The following CCM2 variants were observed in gnomAD, a reference collection of about 807,000 sequenced individuals.
CCM2 encodes the protein cerebral cavernous malformations 2 protein.
CCM2 carries 25 observed loss-of-function variants against 44.9 expected under a neutral mutation model. The ratio of observed to expected loss-of-function variants is 0.56; its 90% CI spans 0.41 to 0.78. The LOEUF (loss-of-function observed/expected upper bound fraction) is 0.78. CCM2 is among the 30% of genes least tolerant of loss of function. The pLI, the probability that CCM2 is intolerant of heterozygous loss-of-function variation, is 0.00. For synonymous variants in CCM2, 219 were observed against 241.1 expected (o/e 0.91, Z 0.85); for missense variants, 481 against 580.6 (o/e 0.83, Z 1.76).
At chr7:45,021,710 G>C (rs1796488236) in intron 1 of CCM2, among the ~76,000 whole-genome samples, 2 of 152,050 alleles carry the variant, frequency 1.3e-5, no homozygotes, top group African/African-American at 2.4e-5. Flanking sequence ...AGCTGAGGAG[G>C]AGAATGGGGC....
intron 1 of CCM2, among the ~76,000 whole-genome samples, chr7:45,036,451 G>A (rs1450780710): frequency 6.6e-6 from 1 of 152,140 alleles, no homozygotes; most frequent in Admixed American, 6.5e-5. Context: ...TATTTGGGGT[G>A]GCTTTTGTTT....
intron 1 of CCM2, among the ~76,000 whole-genome samples, chr7:45,008,284 C>T (rs1047807468): frequency 8.6e-5 from 13 of 151,800 alleles, no homozygotes; most frequent in East Asian, 1.9e-4. Flanking sequence ...ATGATCCACC[C>T]GCCTCGTCCT....
intron 1 of CCM2, among the ~76,000 whole-genome samples, chr7:45,003,741 AAACC>A (rs1795738344): frequency 6.6e-6 from 1 of 152,116 alleles, no homozygotes; most frequent in African/African-American, 2.4e-5. Flanking sequence ...AAAAAAAAAA[AAACC>A]ATCTTGTGGC....
rs1411604455 is a variant in CCM2, at chr7:45,075,906, C to G, written c.1184C>G (p.Thr395Arg). The G allele has an allele frequency of 1.2e-6, 2 of 1,613,122 alleles. No individual in the cohort carries two copies. The highest frequency in any genetic ancestry group is 4.5e-5 in the East Asian group (2 of 44,902). Reference sequence around the variant, plus strand: ...AGGCACCGGCGGGCCCTGAGCACCACATCCAGTTCCACCACCAATGGGAAC... The same window carrying G: ...AGGCACCGGCGGGCCCTGAGCACCAGATCCAGTTCCACCACCAATGGGAAC... ...FGRHRRALST[T>R]SSSTTNGNRA... is the part of the protein sequence containing the mutation. The change falls in exon 10 of 10, where the codon ACA (threonine) becomes AGA (arginine). Residue 395 changes from threonine to arginine, a missense_variant. Coordinates refer to ENST00000258781, the MANE Select transcript of CCM2 (RefSeq NM_031443.4).
rs111785140 is a variant in CCM2 at position 45,021,301 on chromosome 7, G to T, written c.31-16952G>T. Among the ~76,000 whole-genome samples, 792 of 152,118 alleles carry T rather than the reference G, an allele frequency of 5.2e-3. 10 individuals carry two copies. Among genetic ancestry groups the T allele is most frequent in the African/African-American group, 0.018 (761 of 41,514 alleles). ...TAAATAGGCTGGCACGGTGGCTCAC[G>T]CCTGTAATCTCAGCACTTTGGGAGG... is the stretch of plus-strand genomic sequence containing the variant. On this transcript the variant is annotated intron_variant, in intron 1 of 9. Transcript: ENST00000258781.
chr7:45,066,954 G>A (rs1395330347), intron 4 of CCM2, among the ~76,000 whole-genome samples: 2 of 150,494 alleles, frequency 1.3e-5, no homozygotes, highest in Non-Finnish European at 2.9e-5. Context: ...AGGCTGGAGT[G>A]TAGTGCCGTG....
intron 2 of CCM2, among the ~76,000 whole-genome samples, chr7:45,060,280 G>A (rs1798460760): frequency 6.6e-6 from 1 of 152,336 alleles, no homozygotes; most frequent in African/African-American, 2.4e-5. Flanking sequence ...GAGAAATCCA[G>A]TGTCATTCTT....
chr7:45,028,699 G>C (rs1033749239), intron 1 of CCM2, among the ~76,000 whole-genome samples: 1 of 151,820 alleles, frequency 6.6e-6, no homozygotes, highest in Admixed American at 6.6e-5. Flanking sequence ...CCTGAGATGC[G>C]GGTGCACACC....
chr7:45,069,928 T>G lies in CCM2; in HGVS notation c.712T>G (p.Ser238Ala). ...GGACAGAGCGATATTTGATGGGGCCTCTACCCCGACCCACCACCTGTCCCT... is the reference window on the plus strand; with the variant it reads ...GGACAGAGCGATATTTGATGGGGCCGCTACCCCGACCCACCACCTGTCCCT... Reference protein sequence around the residue: ...FLDRAIFDGASTPTHHLSLHS... With the variant: ...FLDRAIFDGAATPTHHLSLHS... The change falls in exon 6 of 10, where the codon TCT becomes GCT. Residue 238 changes from serine to alanine, a missense_variant. Transcript: ENST00000258781. 1 of 1,614,118 alleles carries G rather than the reference T, an allele frequency of 6.2e-7. No individual in the cohort carries two copies. Among genetic ancestry groups the G allele is most frequent in the Non-Finnish European group, 8.5e-7 (1 of 1,180,028 alleles).
chr7:45,030,056 T>G (rs1421364992), intron 1 of CCM2, among the ~76,000 whole-genome samples: 1 of 152,168 alleles, frequency 6.6e-6, no homozygotes, highest in African/African-American at 2.4e-5. Context: ...TCCTCCTGGC[T>G]CCGTACTGTG....
At chr7:45,053,151 G>A (rs544688945) in intron 2 of CCM2, among the ~76,000 whole-genome samples, 2 of 152,324 alleles carry the variant, frequency 1.3e-5, no homozygotes, top group Middle Eastern at 3.4e-3. Context: ...CTAAGTATGT[G>A]CATTGTCTCA....
intron 2 of CCM2, among the ~76,000 whole-genome samples, chr7:45,042,025 C>T (rs2128732091): frequency 1.3e-5 from 2 of 152,254 alleles, no homozygotes; most frequent in Admixed American, 1.3e-4. Context: ...CCTGTAATCC[C>T]AGTACTTTGG....
At chr7:45,037,543 G>A (rs1203695141) in intron 1 of CCM2, among the ~76,000 whole-genome samples, 1 of 149,514 alleles carries the variant, frequency 6.7e-6, no homozygotes, top group Non-Finnish European at 1.5e-5. Context: ...TTAGCCTCCC[G>A]AGCAGCTGGG....
chr7:45,033,044 CAAAAAAAAAAAA>C (rs60956411), intron 1 of CCM2, among the ~76,000 whole-genome samples: 87 of 58,088 alleles, frequency 1.5e-3, no homozygotes, highest in African/African-American at 5.2e-3. Flanking sequence ...AACTCCGTCT[CAAAAAAAAAAAA>C]AAAAAAAAAA....
chr7:45,048,044 G>A (rs544003078), intron 2 of CCM2, among the ~76,000 whole-genome samples: 27 of 152,046 alleles, frequency 1.8e-4, no homozygotes, highest in African/African-American at 6.3e-4. Context: ...AGGGAAAGTG[G>A]GAATGGTGAT....
intron 7 of CCM2, chr7:45,073,096 A>G (rs1464858998): frequency 5.1e-6 from 3 of 584,108 alleles, no homozygotes; most frequent in Non-Finnish European, 9.2e-6. Flanking sequence ...CTGGCCTTCC[A>G]GCCCATCTCT....
chr7:45,040,838 A>G (rs1797457082), intron 2 of CCM2, among the ~76,000 whole-genome samples: 2 of 152,280 alleles, frequency 1.3e-5, no homozygotes, highest in Non-Finnish European at 2.9e-5. Flanking sequence ...AATGCCAGAA[A>G]AATTAGCCAG....
chr7:45,051,580 T>C (rs1798010540), intron 2 of CCM2, among the ~76,000 whole-genome samples: 1 of 149,296 alleles, frequency 6.7e-6, no homozygotes, highest in Non-Finnish European at 1.5e-5. Context: ...TTATTTATTG[T>C]GAGACGGAGT....
At chr7:45,064,694 G>C (rs773464988) in intron 4 of CCM2, 48 bp downstream of exon 4, 1 of 1,601,300 alleles carries the variant, frequency 6.2e-7, no homozygotes, top group African/African-American at 1.3e-5. Flanking sequence ...AGGAGTACAT[G>C]TGTGAATTTT....
Sources: gnomAD v4.1 joint callset for allele counts (sites outside exome capture counted in the v4.1 genomes callset) on GRCh38, gnomAD v4.1.1 for gene constraint, MANE v1.5 for transcripts, NCBI Gene and HGNC (gene_info 2026-07-23, HGNC 2026-07-21) for gene names.